The following SPG11 variants were observed in gnomAD, a reference collection of about 807,000 sequenced individuals.
SPG11 encodes the protein spatacsin.
Under a neutral mutation model 274.0 loss-of-function variants are expected in SPG11, and 222 were observed. The ratio of observed to expected loss-of-function variants is 0.81; its 90% CI spans 0.73 to 0.91. The LOEUF (loss-of-function observed/expected upper bound fraction) is 0.91, where lower values mean the gene tolerates loss of function less well. SPG11 is among the 40% of genes least tolerant of loss of function. The pLI, the probability that SPG11 is intolerant of heterozygous loss-of-function variation, is 0.00. For missense variants in SPG11, 3,114 were observed against 2,872.7 expected (o/e 1.08, Z -1.92); for synonymous variants, 1,144 against 1,039.7 (o/e 1.10, Z -1.93).
Position 44,586,724 on chromosome 15 carries a change from T to C in SPG11, c.4907-874A>G, listed in dbSNP as rs78843364. ...GCTTTATATACAGGGCAGAGGTTGG[T>C]GGCCTTCAATGTAGTAGAAACACAG... is the stretch of plus-strand genomic sequence containing the variant. On this transcript the variant is annotated intron_variant, in intron 28 of 39. Coordinates refer to ENST00000261866, the MANE Select transcript of SPG11 (RefSeq NM_025137.4). 4.9e-4 allele frequency among the ~76,000 whole-genome samples: 75 copies of C among 152,308 alleles called. 3 individuals are homozygous for C. The East Asian group carries it at 0.013, about 27-fold the overall frequency.
At chr15:44,626,607 CTTTT>C (rs1358791716) in intron 10 of SPG11, 100 bp from the exon 11 acceptor site, 1 of 1,248,766 alleles carries the variant, frequency 8.0e-7, no homozygotes, top group Non-Finnish European at 1.1e-6. Context: ...AACAAAGGAA[CTTTT>C]ATTTAAAATC....
intron 30 of SPG11, among the ~76,000 whole-genome samples, chr15:44,579,412 A>T (rs2082613240): frequency 6.6e-6 from 1 of 151,274 alleles, no homozygotes; most frequent in Non-Finnish European, 1.5e-5. Flanking sequence ...CGCCAGTCCC[A>T]GCTACTCGGG....
intron 30 of SPG11, among the ~76,000 whole-genome samples, chr15:44,576,524 C>T (rs2082542181): frequency 6.6e-6 from 1 of 151,646 alleles, no homozygotes; most frequent in Non-Finnish European, 1.5e-5. Flanking sequence ...TGGCGGGTGC[C>T]TGTAGTCCCA....
chr15:44,639,824 GATTA>G (rs201837142), intron 7 of SPG11, among the ~76,000 whole-genome samples: 7,211 of 152,000 alleles, frequency 0.047, 219 homozygotes, highest in Non-Finnish European at 0.072. Context: ...AAATTATTAG[GATTA>G]ATTTAACAAA....
chr15:44,579,898 C>G (rs898414950), intron 30 of SPG11, among the ~76,000 whole-genome samples: 1 of 152,082 alleles, frequency 6.6e-6, no homozygotes, highest in African/African-American at 2.4e-5. Context: ...TGTGACATAG[C>G]ACAATTACTT....
intron 28 of SPG11, among the ~76,000 whole-genome samples, chr15:44,587,228 TC>T (rs2082785339): frequency 6.6e-6 from 1 of 152,274 alleles, no homozygotes. Context: ...TTGCTCCCTT[TC>T]CCAAACAGTC....
At chr15:44,644,407 A>G (rs1485455488) in intron 7 of SPG11, among the ~76,000 whole-genome samples, 2 of 152,182 alleles carry the variant, frequency 1.3e-5, no homozygotes, top group African/African-American at 4.8e-5. Context: ...CAAACTAGGC[A>G]TTGAAGAAAC....
intron 4 of SPG11, among the ~76,000 whole-genome samples, chr15:44,656,393 G>T (rs1206734842): frequency 6.6e-6 from 1 of 152,358 alleles, no homozygotes; most frequent in East Asian, 1.9e-4. Flanking sequence ...CAGGGCAGGA[G>T]CAAGAGTTTA....
Position 44,598,304 on chromosome 15 carries a change from T to C in SPG11, c.3962A>G (p.Glu1321Gly). 1.2e-6 allele frequency: 2 copies of C among 1,614,096 alleles called. No homozygotes were observed. The highest frequency in any genetic ancestry group is 1.7e-6 in the Non-Finnish European group (2 of 1,179,960). Residue 1321 changes from glutamate (E) to glycine (G), a missense_variant, in exon 23 of 40, where the codon GAA becomes GGA. Glu to Gly is a moderately conservative substitution (Grantham distance 98). Coordinates refer to ENST00000261866, the MANE Select transcript of SPG11 (RefSeq NM_025137.4). ...TTGCTGAATGCTGTTCCATGTACCT[T>C]CTTCTAAGAGAACAAGCAATTCTTC... ...TTEELLVLLE[E>G]GTWNSIQQQE...
chr15:44,588,025 A>G (rs1185336417), intron 28 of SPG11, among the ~76,000 whole-genome samples: 1 of 152,160 alleles, frequency 6.6e-6, no homozygotes, highest in South Asian at 2.1e-4. Flanking sequence ...CCTTTTAGTC[A>G]TCAGATCCAC....
At chr15:44,570,763 C>T in intron 33 of SPG11, 105 bp from the exon 34 acceptor site, 1 of 1,457,040 alleles carries the variant, frequency 6.9e-7, no homozygotes, top group African/African-American at 1.4e-5. Flanking sequence ...AGGGGCCTGT[C>T]TGGAGAGGGC....
chr15:44,585,983 GTTTTTTTTTTTT>G (rs71111868), intron 28 of SPG11, 133 bp from the exon 29 acceptor site: 4 of 337,768 alleles, frequency 1.2e-5, no homozygotes, highest in African/African-American at 6.1e-5. Flanking sequence ...ATAAAAAGCT[GTTTTTTTTTTTT>G]TTTTTTTTTG....
At chr15:44,663,254 G>A in intron 1 of SPG11, 137 bp downstream of exon 1, 1 of 1,203,866 alleles carries the variant, frequency 8.3e-7, no homozygotes, top group East Asian at 2.6e-5. Context: ...TCGCCTCTGG[G>A]GCGTTTCCTG....
At chr15:44,586,309 T>C (rs2082764495) in intron 28 of SPG11, among the ~76,000 whole-genome samples, 1 of 152,072 alleles carries the variant, frequency 6.6e-6, no homozygotes, top group South Asian at 2.1e-4. Context: ...AAATTGTTAG[T>C]GGTAAAGTCT....
At chr15:44,616,603 G>A (rs149026651) in intron 15 of SPG11, among the ~76,000 whole-genome samples, 2 of 152,156 alleles carry the variant, frequency 1.3e-5, no homozygotes, top group African/African-American at 4.8e-5. Context: ...TGGATATATT[G>A]TTCTCTACCT....
Position 44,663,605 on chromosome 15 carries a change from C to G in SPG11, c.43G>C (p.Gly15Arg). Residue 15 changes from glycine to arginine, a missense_variant, in exon 1 of 40, where the codon GGT (glycine) becomes CGT (arginine). By Grantham distance (125) the Gly-to-Arg change is moderately radical. Transcript: ENST00000261866. ...CCCATGGCCGCGGTGCCCCAGCTAC[C>G]GCCGGCGGAAGCAGCACTCGCGACC... is the stretch of plus-strand genomic sequence containing the variant. ...EGVASAASAG[G>R]SWGTAAMGRV... The G allele has an allele frequency of 3.1e-6, 5 of 1,596,506 alleles. No homozygotes were observed. The highest frequency in any genetic ancestry group is 4.3e-6 in the Non-Finnish European group (5 of 1,175,344).
chr15:44,568,391 T>C (rs2082350796), intron 35 of SPG11, among the ~76,000 whole-genome samples: 1 of 152,232 alleles, frequency 6.6e-6, no homozygotes, highest in African/African-American at 2.4e-5. Flanking sequence ...TGTCCTGAAA[T>C]TGGCCCAATA....
chr15:44,626,131 A>G (rs375397245), intron 11 of SPG11, among the ~76,000 whole-genome samples, 200 bp downstream of exon 11: 7 of 151,098 alleles, frequency 4.6e-5, no homozygotes, highest in African/African-American at 1.7e-4. Flanking sequence ...TCTTGCCTCA[A>G]CCTCCCAAAG....
In SPG11 at chr15:44,565,997, G is replaced by A. The variant is rs312262785; in HGVS notation, c.6856C>T (p.Arg2286Ter). 42 of 1,613,676 alleles carry A rather than the reference G, an allele frequency of 2.6e-5. No individual in the cohort carries two copies. The highest frequency in any genetic ancestry group is 3.5e-5 in the Non-Finnish European group (41 of 1,180,018). The change falls in exon 38 of 40, where the codon CGA (arginine) becomes TGA (stop). Residue 2286 changes from arginine to a stop codon, truncating the protein, a stop_gained. Coordinates refer to ENST00000261866, the MANE Select transcript of SPG11 (RefSeq NM_025137.4). LOFTEE classifies it high-confidence loss of function. ...AESYAKDSCV[R>*]QAQHCQRLTK... ...AGCCGCTGACAGTGCTGGGCCTGTC[G>A]CACACAGGAGTCCTGAGGAACAAGG... is the stretch of plus-strand genomic sequence containing the variant.
Sources: allele counts gnomAD v4.1 joint callset (sites outside exome capture counted in the v4.1 genomes callset), GRCh38; gene constraint gnomAD v4.1.1; transcripts MANE v1.5; gene names NCBI Gene and HGNC (gene_info 2026-07-23, HGNC 2026-07-21).